LRP1B: variants seen among roughly 807,000 people sequenced by gnomAD.
The protein encoded by LRP1B is LDL receptor related protein 1B.
In LRP1B, 217 loss-of-function variants were observed where a neutral mutation model predicts 556.6. The ratio of observed to expected loss-of-function variants is 0.39; its 90% CI spans 0.35 to 0.44. The LOEUF (loss-of-function observed/expected upper bound fraction) is 0.44. Ranked by LOEUF, LRP1B falls within the 20% of genes least tolerant of loss-of-function variation. LRP1B has a pLI of 1.00. For synonymous variants in LRP1B, 2,047 were observed against 1,865.8 expected (o/e 1.10, Z -2.50); for missense variants, 5,053 against 5,620.8 (o/e 0.90, Z 3.23).
chr2:140,902,971 A>G lies in LRP1B; in HGVS notation c.3715T>C (p.Cys1239Arg). ...EQHKHTVKCS[C>R]YEGWKLDVDG... Reference sequence around the variant, plus strand: ...ACATCCAGCTTCCAACCTTCATAACATGAGCACTTGACTGTGTGCTTGTGC... The same window carrying G: ...ACATCCAGCTTCCAACCTTCATAACGTGAGCACTTGACTGTGTGCTTGTGC... The change falls in exon 23 of 91, where the codon TGT becomes CGT. Residue 1239 changes from cysteine (C) to arginine (R), a missense_variant. Physicochemically the swap from Cys to Arg is radical, Grantham distance 180. Around this residue, in one of 5 missense-constraint regions of LRP1B, gnomAD observed 3,619 missense variants for 3,931.9 expected, o/e 0.92. Coordinates refer to ENST00000389484, the MANE Select transcript of LRP1B (RefSeq NM_018557.3). 2 of 1,613,654 alleles carry G rather than the reference A, an allele frequency of 1.2e-6. No homozygotes were observed. Among genetic ancestry groups the G allele is most frequent in the Non-Finnish European group, 1.7e-6 (2 of 1,179,708 alleles).
chr2:140,620,211 G>A (rs1448114320), intron 41 of LRP1B, among the ~76,000 whole-genome samples: 1 of 152,124 alleles, frequency 6.6e-6, no homozygotes, highest in Non-Finnish European at 1.5e-5. Flanking sequence ...AACAGTGCAA[G>A]GCCATTGTCC....
chr2:141,282,392 T>A (rs1037719982), intron 3 of LRP1B, among the ~76,000 whole-genome samples: 29 of 151,516 alleles, frequency 1.9e-4, no homozygotes, highest in African/African-American at 4.1e-4. Context: ...CATAATTTTT[T>A]AAAAAAATCA....
intron 56 of LRP1B, among the ~76,000 whole-genome samples, chr2:140,493,305 T>G (rs1688782118): frequency 6.6e-6 from 1 of 152,202 alleles, no homozygotes; most frequent in African/African-American, 2.4e-5. Context: ...GTCCAATGTC[T>G]TTTAGTATCT....
intron 82 of LRP1B, among the ~76,000 whole-genome samples, chr2:140,317,711 C>T (rs901224802): frequency 6.6e-6 from 1 of 152,070 alleles, no homozygotes; most frequent in Non-Finnish European, 1.5e-5. Context: ...AAGATAAGCA[C>T]TTAAGGCATT....
At chr2:142,112,609 A>G (rs944024778) in intron 1 of LRP1B, among the ~76,000 whole-genome samples, 1 of 152,096 alleles carries the variant, frequency 6.6e-6, no homozygotes, top group Non-Finnish European at 1.5e-5. Flanking sequence ...TCCAGACTAC[A>G]TTGATTTCCT....
Position 140,598,730 on chromosome 2 carries a change from T to C in LRP1B, c.7095A>G (p.Pro2365=), listed in dbSNP as rs749274334. 7 of 1,613,584 alleles carry C rather than the reference T, an allele frequency of 4.3e-6. No individual in the cohort carries two copies. In the South Asian group the frequency reaches 7.7e-5, roughly 18 times the overall value. Residue 2365 remains proline (P), a synonymous_variant, in exon 43 of 91, where the codon CCA becomes CCG. Coordinates refer to ENST00000389484, the MANE Select transcript of LRP1B (RefSeq NM_018557.3). ...QVVVSTDILT[P]NGLTIDYRAE... is the part of the protein sequence containing the mutation. The stretch of plus-strand genomic sequence containing the variant: ...CACGGTAGTCGATAGTAAGTCCATT[T>C]GGAGTGAGTATGTCTGTACTGACCA...
intron 2 of LRP1B, among the ~76,000 whole-genome samples, chr2:141,744,121 C>G (rs1402294518): frequency 6.6e-6 from 1 of 151,938 alleles, no homozygotes; most frequent in East Asian, 1.9e-4. Flanking sequence ...GATTTAGGCA[C>G]CATAGCCATA....
chr2:141,501,743 G>A (rs920313291), intron 2 of LRP1B, among the ~76,000 whole-genome samples: 3 of 152,138 alleles, frequency 2.0e-5, no homozygotes, highest in African/African-American at 7.2e-5. Context: ...AACATGCATT[G>A]TAGAGATTGA....
At chr2:141,287,362 G>T (rs1015478877) in intron 3 of LRP1B, among the ~76,000 whole-genome samples, 2 of 146,466 alleles carry the variant, frequency 1.4e-5, no homozygotes, top group South Asian at 2.1e-4. Context: ...TCACTCTGTC[G>T]CCCAGGCTGG....
intron 17 of LRP1B, among the ~76,000 whole-genome samples, chr2:140,982,808 G>A (rs1696809969): frequency 6.6e-6 from 1 of 151,288 alleles, no homozygotes; most frequent in Non-Finnish European, 1.5e-5. Flanking sequence ...TCTGCTGTAT[G>A]CAGTGAGAGT....
intron 60 of LRP1B, among the ~76,000 whole-genome samples, chr2:140,459,980 A>G (rs75071028): frequency 2.0e-5 from 3 of 152,174 alleles, no homozygotes; most frequent in Admixed American, 6.5e-5. Flanking sequence ...TGTACAGCCT[A>G]TGGAACTGTG....
chr2:141,204,240 C>T lies in LRP1B; in HGVS notation c.851-15657G>A, dbSNP rs566013264. 1.2e-4 allele frequency among the ~76,000 whole-genome samples: 19 copies of T among 152,208 alleles called. 1 individual carries two copies. Among genetic ancestry groups the T allele is most frequent in the African/African-American group, 4.3e-4 (18 of 41,544 alleles). On this transcript the variant is annotated intron_variant, in intron 6 of 90. Coordinates refer to ENST00000389484, the MANE Select transcript of LRP1B (RefSeq NM_018557.3). ...CATAAATTATAAAAATCAATAAGTG[C>T]CTTTGATTGCTGTTTTTTCAAGAAT...
At chr2:141,728,637 G>T (rs867215617) in intron 2 of LRP1B, among the ~76,000 whole-genome samples, 1 of 151,994 alleles carries the variant, frequency 6.6e-6, no homozygotes, top group African/African-American at 2.4e-5. Flanking sequence ...CTGGCTATTC[G>T]GAAGCTCATT....
intron 1 of LRP1B, among the ~76,000 whole-genome samples, chr2:141,963,174 T>C (rs1162733991): frequency 6.6e-6 from 1 of 151,904 alleles, no homozygotes; most frequent in Non-Finnish European, 1.5e-5. Context: ...ATGTAAAATA[T>C]AATTTGAATA....
intron 1 of LRP1B, among the ~76,000 whole-genome samples, chr2:142,062,794 A>G (rs781733247): frequency 8.6e-5 from 13 of 151,814 alleles, no homozygotes; most frequent in Non-Finnish European, 1.5e-4. Flanking sequence ...AAAAACAAAT[A>G]TGGTTTAGAA....
At chr2:141,599,937 C>T (rs959480631) in intron 2 of LRP1B, among the ~76,000 whole-genome samples, 3 of 152,014 alleles carry the variant, frequency 2.0e-5, no homozygotes. Flanking sequence ...TTTCTGCCTC[C>T]ACTCACTCCC....
intron 41 of LRP1B, among the ~76,000 whole-genome samples, chr2:140,694,261 C>T (rs757038781): frequency 9.9e-5 from 15 of 152,166 alleles, no homozygotes; most frequent in East Asian, 3.9e-4. Flanking sequence ...AAGTTCCTTA[C>T]GCCATTACTT....
chr2:140,947,825 T>G (rs974075240), intron 20 of LRP1B, among the ~76,000 whole-genome samples: 3 of 152,194 alleles, frequency 2.0e-5, no homozygotes, highest in African/African-American at 7.2e-5. Flanking sequence ...GTTCAAGAAC[T>G]CTCTTCATTC....
At chr2:140,748,397 CATATA>C in intron 35 of LRP1B, among the ~76,000 whole-genome samples, 1 of 79,078 alleles carries the variant, frequency 1.3e-5, no homozygotes, top group Non-Finnish European at 2.4e-5. Context: ...ATATTATATT[CATATA>C]TTATATTCAT....
Sources: gnomAD v4.1 joint callset for allele counts (sites outside exome capture counted in the v4.1 genomes callset) on GRCh38, gnomAD v4.1.1 for gene constraint, gnomAD v4.1.1 regional missense constraint, MANE v1.5 for transcripts, NCBI Gene and HGNC (gene_info 2026-07-23, HGNC 2026-07-21) for gene names.